AMMECR1L: variants seen among roughly 807,000 people sequenced by gnomAD.
The protein encoded by AMMECR1L is AMMECR1 like, also known as AMMECR1-like protein.
AMMECR1L carries 4 observed loss-of-function variants against 36.8 expected under a neutral mutation model. The observed-to-expected ratio is 0.11, with a 90% CI of 0.05 to 0.25. The LOEUF (loss-of-function observed/expected upper bound fraction) is 0.25, where lower values mean the gene tolerates loss of function less well. AMMECR1L is among the 10% of genes least tolerant of loss of function. The pLI is 1.00. For missense variants in AMMECR1L, 232 were observed against 392.1 expected, an observed-to-expected ratio of 0.59 and a Z score of 3.45; for synonymous variants, 147 against 148.0, an observed-to-expected ratio of 0.99 and a Z score of 0.05.
In AMMECR1L at chr2:127,873,210, A is replaced by G; in HGVS notation, c.407+618T>C. ...TTCTGAGGAAGAAGAAAATGCTAGCATGGAATTCTTCAGTTTACTTTATAC... is the reference window on the plus strand; with the variant it reads ...TTCTGAGGAAGAAGAAAATGCTAGCGTGGAATTCTTCAGTTTACTTTATAC... On this transcript the variant is annotated intron_variant, in intron 3 of 7. Transcript: ENST00000272647. This position sits in a 1 kb window ranked among gnomAD's most constrained non-coding sequence, Gnocchi z 5.2. 1 of 985,498 alleles carries G rather than the reference A, an allele frequency of 1.0e-6. No individual in the cohort carries two copies. Among genetic ancestry groups the G allele is most frequent in the Non-Finnish European group, 1.2e-6 (1 of 829,944 alleles). 61.0% of individuals were successfully genotyped at this position (985,498 alleles called of 1,614,324 possible).
In AMMECR1L at chr2:127,874,849, A is replaced by G. The variant is rs1319446669; in HGVS notation, c.-38-577T>C. 3.9e-5 allele frequency among the ~76,000 whole-genome samples: 6 copies of G among 152,050 alleles called. No individual in the cohort carries two copies. The highest frequency in any genetic ancestry group is 3.3e-4 in the Admixed American group (5 of 15,274). ...GCACATCTTCTAACACAAGGCTCCC[A>G]CCTTTCTGTCTCTGCAGCTCTCCTC... On this transcript the variant is annotated intron_variant, in intron 2 of 7. Coordinates refer to ENST00000272647, the MANE Select transcript of AMMECR1L (RefSeq NM_001199140.2). This position sits in a 1 kb window ranked among gnomAD's most constrained non-coding sequence, Gnocchi z 5.2.
At position 127,874,326 on chromosome 2, in the gene AMMECR1L, G is replaced by GA. The variant is rs1300870394; in HGVS notation, c.-38-55dup. The GA allele has an allele frequency of 3.9e-5, 58 of 1,486,996 alleles. No individual in the cohort carries two copies. The highest frequency in any genetic ancestry group is 5.0e-5 in the Non-Finnish European group (55 of 1,108,980). The allele number at this position is 1,486,996 out of a possible 1,614,324, so 92.1% of individuals were successfully genotyped here. ...TTTGACTGGTTAGTTAAAAGGAGAG[G>GA]AAAAAACATCAAAGATAGAGAGTCT... On this transcript the variant is annotated intron_variant, in intron 2 of 7. Transcript: ENST00000272647. The surrounding 1 kb of genome is among the most constrained non-coding windows in gnomAD (Gnocchi z 5.2).
rs1312898340 is a variant in AMMECR1L at position 127,874,125 on chromosome 2, T to C, written c.110A>G (p.Gln37Arg). 1.2e-6 allele frequency: 2 copies of C among 1,614,200 alleles called. No individual in the cohort carries two copies. Among genetic ancestry groups the C allele is most frequent in the East Asian group, 4.5e-5 (2 of 44,878 alleles). Reference sequence around the variant, plus strand: ...ACTAGAGCCGGGGACAGTTGTGGACTGATTCCCGTGACTGTGCGTTCCACT... The same window carrying C: ...ACTAGAGCCGGGGACAGTTGTGGACCGATTCCCGTGACTGTGCGTTCCACT... Reference protein sequence around the residue: ...SGSGTHSHGNQSTTVPGSSSG... With the variant: ...SGSGTHSHGNRSTTVPGSSSG... Residue 37 changes from glutamine to arginine, a missense_variant, in exon 3 of 8, where the codon CAG (glutamine) becomes CGG (arginine). Coordinates refer to ENST00000272647, the MANE Select transcript of AMMECR1L (RefSeq NM_001199140.2). This position sits in a 1 kb window ranked among gnomAD's most constrained non-coding sequence, Gnocchi z 5.2.
Position 127,873,875 on chromosome 2 carries a change from G to A in AMMECR1L, c.360C>T (p.Leu120=). ...CYCFDVLYCH[L]YGFPQPRLPR... is the part of the protein sequence containing the mutation. ...GAAGTCGTGGCTGTGGGAAGCCATA[G>A]AGGTGACAGTAGAGTACGTCGAAGC... is the stretch of plus-strand genomic sequence containing the variant. The change falls in exon 3 of 8, where the codon CTC becomes CTT. Residue 120 remains leucine (L), a synonymous_variant. Transcript: ENST00000272647. This position sits in a 1 kb window ranked among gnomAD's most constrained non-coding sequence, Gnocchi z 5.2. 1 of 1,614,226 alleles carries A rather than the reference G, an allele frequency of 6.2e-7. No individual in the cohort carries two copies. Among genetic ancestry groups the A allele is most frequent in the Non-Finnish European group, 8.5e-7 (1 of 1,180,046 alleles).
chr2:127,881,225 C>A (rs1691487044), intron 2 of AMMECR1L, among the ~76,000 whole-genome samples: 1 of 151,706 alleles, frequency 6.6e-6, no homozygotes, highest in South Asian at 2.1e-4. Flanking sequence ...GAACTACCCA[C>A]TGGAGAATTT....
chr2:127,870,934 G>T lies in AMMECR1L; in HGVS notation c.519-6C>A, dbSNP rs757523544. The T allele has an allele frequency of 1.9e-6, 3 of 1,607,726 alleles. No homozygotes were observed. The highest frequency in any genetic ancestry group is 1.7e-6 in the Non-Finnish European group (2 of 1,176,342). On this transcript the variant is annotated splice_region_variant and splice_polypyrimidine_tract_variant and intron_variant, in intron 4 of 7. Coordinates refer to ENST00000272647, the MANE Select transcript of AMMECR1L (RefSeq NM_001199140.2). ...ATCGGCTGTCCTTAAGTGCACTGGA[G>T]GGGGACAGAAAACATAGGTAAGGCT... is the stretch of plus-strand genomic sequence containing the variant.
At chr2:127,868,679 G>A (rs1690815280) in intron 6 of AMMECR1L, among the ~76,000 whole-genome samples, 1 of 151,624 alleles carries the variant, frequency 6.6e-6, no homozygotes, top group Non-Finnish European at 1.5e-5. Flanking sequence ...AAATCTGCTC[G>A]ATCCACCCTA....
intron 2 of AMMECR1L, among the ~76,000 whole-genome samples, chr2:127,875,923 T>C (rs999026617): frequency 2.6e-5 from 4 of 151,958 alleles, no homozygotes; most frequent in African/African-American, 9.7e-5. Context: ...CTTCCCAAAG[T>C]GCTAGGACTG....
In AMMECR1L at chr2:127,870,937, G is replaced by C; in HGVS notation, c.519-9C>G. 1.2e-6 allele frequency: 2 copies of C among 1,603,636 alleles called. No homozygotes were observed. The highest frequency in any genetic ancestry group is 4.5e-5 in the East Asian group (2 of 44,800). On this transcript the variant is annotated splice_polypyrimidine_tract_variant and intron_variant, in intron 4 of 7. Transcript: ENST00000272647. ...GGCTGTCCTTAAGTGCACTGGAGGG[G>C]GACAGAAAACATAGGTAAGGCTGCT...
At chr2:127,885,409 G>A (rs1168054123) in intron 1 of AMMECR1L, 6 of 960,074 alleles carry the variant, frequency 6.2e-6, no homozygotes, top group Middle Eastern at 5.3e-4. Flanking sequence ...GCCGGGCGGG[G>A]GAGGGGGCGG....
In AMMECR1L at chr2:127,863,807, G is replaced by C. The variant is rs890157767; in HGVS notation, c.*1287C>G. On this transcript the variant is annotated 3_prime_UTR_variant, in exon 8 of 8. Transcript: ENST00000272647. ...TTCTATGAACTTTGCCACCAAATGA[G>C]TGAAGAATAGGCAAGGAGAGAGGAA... is the stretch of plus-strand genomic sequence containing the variant. 1 of 152,622 alleles carries C rather than the reference G, an allele frequency of 6.6e-6. No homozygotes were observed. Among genetic ancestry groups the C allele is most frequent in the Non-Finnish European group, 1.5e-5 (1 of 68,038 alleles). 9.5% of individuals were successfully genotyped at this position (152,622 alleles called of 1,614,324 possible).
chr2:127,875,596 G>A lies in AMMECR1L; in HGVS notation c.-38-1324C>T, dbSNP rs143443748. Among the ~76,000 whole-genome samples the A allele has an allele frequency of 1.1e-3, 165 of 152,178 alleles. 1 individual carries two copies. The highest frequency in any genetic ancestry group is 3.8e-3 in the African/African-American group (158 of 41,514). Reference sequence around the variant, plus strand: ...ATTTCTAAACAACTTGTCACTTTACGTTGAATGATATAAACATTTTACAAG... The same window carrying A: ...ATTTCTAAACAACTTGTCACTTTACATTGAATGATATAAACATTTTACAAG... On this transcript the variant is annotated intron_variant, in intron 2 of 7. Transcript: ENST00000272647.
intron 1 of AMMECR1L, 81 bp downstream of exon 1, chr2:127,885,729 C>T: frequency 2.0e-6 from 2 of 979,148 alleles, no homozygotes; most frequent in Non-Finnish European, 2.4e-6. Context: ...AGAACAGGCC[C>T]GGCGGGCAAG....
At chr2:127,880,798 A>T (rs1174871176) in intron 2 of AMMECR1L, among the ~76,000 whole-genome samples, 2 of 145,534 alleles carry the variant, frequency 1.4e-5, no homozygotes, top group African/African-American at 2.6e-5. Context: ...ACACACACAC[A>T]CTCCTGATTG....
Position 127,874,553 on chromosome 2 carries a change from C to A in AMMECR1L, c.-38-281G>T, listed in dbSNP as rs1173640361. Among the ~76,000 whole-genome samples the A allele has an allele frequency of 6.6e-6, 1 of 152,198 alleles. No homozygotes were observed. The highest frequency in any genetic ancestry group is 1.5e-5 in the Non-Finnish European group (1 of 68,030). ...CCAGGGCAGAAGACAGGGTGGGGCA[C>A]CAGCCAGCGTGAAGCTGGCTGAGGA... On this transcript the variant is annotated intron_variant, in intron 2 of 7. Coordinates refer to ENST00000272647, the MANE Select transcript of AMMECR1L (RefSeq NM_001199140.2). The surrounding 1 kb of genome is among the most constrained non-coding windows in gnomAD (Gnocchi z 5.2).
chr2:127,873,976 T>C lies in AMMECR1L; in HGVS notation c.259A>G (p.Ser87Gly). ...TRMNPASGAL[S>G]PLPRPNGTAN... ...GTTCCATTAGGCCGGGGAAGAGGGCTCAGCGCTCCCGATGCGGGATTCATT... is the reference window on the plus strand; with the variant it reads ...GTTCCATTAGGCCGGGGAAGAGGGCCCAGCGCTCCCGATGCGGGATTCATT... Residue 87 changes from serine to glycine, a missense_variant, in exon 3 of 8, where the codon AGC becomes GGC. Around this residue, in one of 3 missense-constraint regions of AMMECR1L, gnomAD observed 109 missense variants for 128.1 expected, o/e 0.85. Transcript: ENST00000272647. This position sits in a 1 kb window ranked among gnomAD's most constrained non-coding sequence, Gnocchi z 5.2. 1 of 1,614,244 alleles carries C rather than the reference T, an allele frequency of 6.2e-7. No individual in the cohort carries two copies. The highest frequency in any genetic ancestry group is 8.5e-7 in the Non-Finnish European group (1 of 1,180,048).
At chr2:127,876,263 T>C (rs1445996060) in intron 2 of AMMECR1L, among the ~76,000 whole-genome samples, 2 of 150,826 alleles carry the variant, frequency 1.3e-5, no homozygotes, top group East Asian at 2.0e-4. Context: ...GGAGCGAGGA[T>C]TGCCTGAGCC....
chr2:127,885,113 G>A (rs1271248836), intron 1 of AMMECR1L: 1 of 981,374 alleles, frequency 1.0e-6, no homozygotes, highest in African/African-American at 1.8e-5. Context: ...GAAACCCAGC[G>A]TGTCAGGTGG....
At position 127,873,467 on chromosome 2, in the gene AMMECR1L, A is replaced by G. The variant is rs1691083787; in HGVS notation, c.407+361T>C. The G allele has an allele frequency of 1.0e-6, 1 of 985,424 alleles. No individual in the cohort carries two copies. The highest frequency in any genetic ancestry group is 1.2e-6 in the Non-Finnish European group (1 of 829,932). 61.0% of individuals were successfully genotyped at this position (985,424 alleles called of 1,614,324 possible). ...AGCCTGGCCCTCAGACTTCCAACTC[A>G]CCTGGACTTCAACACTATGGGTGTC... On this transcript the variant is annotated intron_variant, in intron 3 of 7. Coordinates refer to ENST00000272647, the MANE Select transcript of AMMECR1L (RefSeq NM_001199140.2). The surrounding 1 kb of genome is among the most constrained non-coding windows in gnomAD (Gnocchi z 5.2).
Sources: allele counts gnomAD v4.1 joint callset (sites outside exome capture counted in the v4.1 genomes callset), GRCh38; gene constraint gnomAD v4.1.1; regional missense constraint gnomAD v4.1.1; non-coding constraint Gnocchi (gnomAD v3.1); transcripts MANE v1.5; gene names NCBI Gene and HGNC (gene_info 2026-07-23, HGNC 2026-07-21).